The following CAST variants were observed in gnomAD, a reference collection of about 807,000 sequenced individuals.
The protein encoded by CAST is calpastatin, also known as MIR583 host.
In CAST, 76 loss-of-function variants were observed where a neutral mutation model predicts 119.6. That is an observed-to-expected ratio of 0.64 (90% CI 0.53 to 0.77). The LOEUF is 0.77. Among genes scored for constraint, CAST ranks in the 30% least tolerant of loss-of-function variants. CAST has a pLI of 0.00. For missense variants in CAST, 953 were observed against 946.5 expected (o/e 1.01, Z -0.09); for synonymous variants, 319 against 331.6 (o/e 0.96, Z 0.41).
the CAST span, among the ~76,000 whole-genome samples, chr5:96,106,794 C>T: frequency 2.0e-5 from 3 of 148,988 alleles, no homozygotes; most frequent in Non-Finnish European, 4.5e-5. Context: ...CTTTCTGTCT[C>T]GTTGATCTGT....
At chr5:96,240,564 TA>T in the CAST span, among the ~76,000 whole-genome samples, 1 of 152,002 alleles carries the variant, frequency 6.6e-6, no homozygotes, top group Non-Finnish European at 1.5e-5. Flanking sequence ...TTCATTTTTT[TA>T]TTATTATTAT....
chr5:96,639,664 A>G (rs1046205310), intron 1 of CAST, among the ~76,000 whole-genome samples: 8 of 152,196 alleles, frequency 5.3e-5, no homozygotes, highest in African/African-American at 1.4e-4. Flanking sequence ...CCATGCAGGG[A>G]CCATATCAAC....
chr5:95,978,089 G>A, the CAST span, among the ~76,000 whole-genome samples: 2 of 152,122 alleles, frequency 1.3e-5, no homozygotes, highest in Admixed American at 1.3e-4. Flanking sequence ...TTACTATTGT[G>A]AATAGTGCTG....
At chr5:96,617,909 G>T (rs1413757023) in intron 1 of CAST, among the ~76,000 whole-genome samples, 1 of 151,116 alleles carries the variant, frequency 6.6e-6, no homozygotes, top group Non-Finnish European at 1.5e-5. Flanking sequence ...GGTGTCTTAA[G>T]GAGGGAGGAG....
the CAST span, among the ~76,000 whole-genome samples, chr5:95,971,267 A>G: frequency 6.6e-6 from 1 of 152,172 alleles, no homozygotes; most frequent in Admixed American, 6.6e-5. Flanking sequence ...AAATTACCCT[A>G]TATTTTACAT....
intron 3 of CAST, among the ~76,000 whole-genome samples, chr5:96,709,813 A>C (rs1735381758): frequency 6.6e-6 from 1 of 152,200 alleles, no homozygotes; most frequent in South Asian, 2.1e-4. Context: ...TGAAAATTGC[A>C]TCCTGTTTTA....
At chr5:96,303,103 C>T in the CAST span, among the ~76,000 whole-genome samples, 3 of 152,300 alleles carry the variant, frequency 2.0e-5, no homozygotes, top group South Asian at 2.1e-4. Flanking sequence ...CCTTAGGAAA[C>T]TTAAATCATG....
chr5:96,503,874 C>A, the CAST span, among the ~76,000 whole-genome samples: 1 of 152,120 alleles, frequency 6.6e-6, no homozygotes, highest in Admixed American at 6.6e-5. Flanking sequence ...CACTCTCATT[C>A]CTGACATTAA....
At chr5:96,340,251 C>A in the CAST span, among the ~76,000 whole-genome samples, 1 of 152,136 alleles carries the variant, frequency 6.6e-6, no homozygotes, top group Non-Finnish European at 1.5e-5. Context: ...GGGAGTCCAC[C>A]TTTATCTCTA....
At chr5:96,500,128 C>G in the CAST span, among the ~76,000 whole-genome samples, 1 of 152,120 alleles carries the variant, frequency 6.6e-6, no homozygotes, top group Non-Finnish European at 1.5e-5. Context: ...TCACTGATCA[C>G]AGATCACTAT....
At chr5:96,442,231 C>T in the CAST span, among the ~76,000 whole-genome samples, 2 of 152,192 alleles carry the variant, frequency 1.3e-5, no homozygotes, top group African/African-American at 4.8e-5. Context: ...GCACTGTTAC[C>T]TGGAATAGCT....
chr5:96,211,977 T>A, the CAST span, among the ~76,000 whole-genome samples: 1 of 152,110 alleles, frequency 6.6e-6, no homozygotes, highest in Non-Finnish European at 1.5e-5. Flanking sequence ...GTCATGATAT[T>A]CCCTGTTGTA....
chr5:96,375,354 A>T, the CAST span, among the ~76,000 whole-genome samples: 1 of 152,174 alleles, frequency 6.6e-6, no homozygotes, highest in Non-Finnish European at 1.5e-5. Flanking sequence ...AGAGATTGTT[A>T]AATTGCATAA....
chr5:96,028,090 C>A, the CAST span, among the ~76,000 whole-genome samples: 1 of 152,000 alleles, frequency 6.6e-6, no homozygotes, highest in Non-Finnish European at 1.5e-5. Flanking sequence ...ATATTTTATT[C>A]CAAATTCTTT....
At chr5:96,390,020 T>TAGA in the CAST span, among the ~76,000 whole-genome samples, 1 of 152,206 alleles carries the variant, frequency 6.6e-6, no homozygotes, top group Non-Finnish European at 1.5e-5. Context: ...TACTCTAGCC[T>TAGA]GTAAACTAAG....
the CAST span, among the ~76,000 whole-genome samples, chr5:96,383,657 A>G: frequency 1.3e-5 from 2 of 152,218 alleles, no homozygotes; most frequent in Non-Finnish European, 2.9e-5. Flanking sequence ...CATGTTGGCC[A>G]GGATGGTCTT....
intron 9 of CAST, among the ~76,000 whole-genome samples, chr5:96,734,801 G>C (rs1387647080): frequency 6.6e-6 from 1 of 152,200 alleles, no homozygotes; most frequent in East Asian, 1.9e-4. Flanking sequence ...GAGGAGGAAA[G>C]AGGTGTCTCT....
At chr5:96,154,002 T>G in the CAST span, among the ~76,000 whole-genome samples, 1 of 152,180 alleles carries the variant, frequency 6.6e-6, no homozygotes, top group Non-Finnish European at 1.5e-5. Flanking sequence ...CAAAACTTAA[T>G]GAATGAGGCC....
At chr5:96,523,763 A>T (rs1745555220), upstream of CAST, among the ~76,000 whole-genome samples, 1 of 152,186 alleles carries the variant, frequency 6.6e-6, no homozygotes, top group Admixed American at 6.5e-5. Flanking sequence ...AGCCGTGGGC[A>T]CTGTAACTGC....
Sources: gnomAD v4.1 joint callset for allele counts (sites outside exome capture counted in the v4.1 genomes callset) on GRCh38, gnomAD v4.1.1 for gene constraint, MANE v1.5 for transcripts, NCBI Gene and HGNC (gene_info 2026-07-23, HGNC 2026-07-21) for gene names.